Variants in ASIC5 observed in about 807,000 individuals in gnomAD.
ASIC5 encodes acid sensing ion channel subunit family member 5.
ASIC5 carries 52 observed loss-of-function variants against 51.2 expected under a neutral mutation model. The ratio of observed to expected loss-of-function variants is 1.02; its 90% CI spans 0.81 to 1.28. ASIC5 has a LOEUF of 1.28. ASIC5 is among the 50% of genes most tolerant of loss of function. ASIC5 has a pLI of 0.00. For missense variants in ASIC5, 635 were observed against 595.0 expected, an observed-to-expected ratio of 1.07 and a Z score of -0.70; for synonymous variants, 231 against 200.7, an observed-to-expected ratio of 1.15 and a Z score of -1.28.
chr4:155,861,414 A>G (rs1312132537), intron 2 of ASIC5, among the ~76,000 whole-genome samples: 2 of 152,056 alleles, frequency 1.3e-5, no homozygotes, highest in Admixed American at 1.3e-4. Flanking sequence ...TTGATCATTT[A>G]TTCAACATAA....
intron 2 of ASIC5, among the ~76,000 whole-genome samples, chr4:155,859,508 T>A (rs543487249): frequency 6.6e-6 from 1 of 152,024 alleles, no homozygotes; most frequent in Non-Finnish European, 1.5e-5. Context: ...AGTTTCTTCA[T>A]CTCAGGTGTC....
rs774026024 is a variant in ASIC5 at position 155,830,849 on chromosome 4, T to C, written c.1328-803A>G. On this transcript the variant is annotated intron_variant, in intron 9 of 9. Transcript: ENST00000537611. ...TGCTTTCATAAACAGATTACATTAT[T>C]AATCATTATCTCATTGCCCTAGGCC... Among the ~76,000 whole-genome samples the C allele has an allele frequency of 1.2e-4, 19 of 152,284 alleles. No individual in the cohort carries two copies. The Middle Eastern group carries it at 0.01, about 82-fold the overall frequency.
chr4:155,841,797 T>C (rs6810597), intron 6 of ASIC5, among the ~76,000 whole-genome samples: 1,933 of 152,250 alleles, frequency 0.013, 34 homozygotes, highest in African/African-American at 0.041. Flanking sequence ...AATTTTCTCT[T>C]CCAGAAATCT....
Position 155,863,492 on chromosome 4 carries a change from C to T in ASIC5, c.303G>A (p.Val101=). Residue 101 remains valine (V), a synonymous_variant, in exon 2 of 10, where the codon GTG becomes GTA. Transcript: ENST00000537611. The part of the protein sequence containing the change: ...PTTTSIEVQY[V]EKMEFPAVTF... ...TCACAGCTGGGAACTCCATCTTTTC[C>T]ACATATTGAACCTCAATGGACGTTG... 8.7e-6 allele frequency: 14 copies of T among 1,613,392 alleles called. No individual in the cohort carries two copies. Among genetic ancestry groups the T allele is most frequent in the Non-Finnish European group, 1.2e-5 (14 of 1,179,670 alleles).
At chr4:155,862,725 G>A (rs543944376) in intron 2 of ASIC5, among the ~76,000 whole-genome samples, 62 of 152,204 alleles carry the variant, frequency 4.1e-4, no homozygotes, top group Admixed American at 1.9e-3. Flanking sequence ...CTTTGCAGCC[G>A]CACTGATCAC....
chr4:155,847,585 G>A (rs1356862535), intron 4 of ASIC5, among the ~76,000 whole-genome samples: 1 of 151,976 alleles, frequency 6.6e-6, no homozygotes, highest in Non-Finnish European at 1.5e-5. Context: ...AGCTGGGCAT[G>A]GTGGCGCATG....
At chr4:155,836,908 T>A in intron 7 of ASIC5, 51 bp from the exon 8 acceptor site, 1 of 1,341,580 alleles carries the variant, frequency 7.5e-7, no homozygotes, top group Non-Finnish European at 1.0e-6. Context: ...TATTTCATCA[T>A]GGGTAGGATA....
chr4:155,865,837 C>A (rs1310186411), intron 1 of ASIC5, among the ~76,000 whole-genome samples: 3 of 152,024 alleles, frequency 2.0e-5, no homozygotes, highest in Non-Finnish European at 2.9e-5. Flanking sequence ...GCATTGAGTG[C>A]TGATCAACAT....
intron 2 of ASIC5, among the ~76,000 whole-genome samples, chr4:155,860,291 A>T (rs1741667887): frequency 6.6e-6 from 1 of 151,908 alleles, no homozygotes. Context: ...TTGATATAAA[A>T]TACAATATTT....
At position 155,831,833 on chromosome 4, in the gene ASIC5, C is replaced by T. The variant is rs1437106212; in HGVS notation, c.1318G>A (p.Glu440Lys). The T allele has an allele frequency of 6.3e-7, 1 of 1,592,160 alleles. No individual in the cohort carries two copies. Among genetic ancestry groups the T allele is most frequent in the African/African-American group, 1.3e-5 (1 of 74,442 alleles). Reference sequence around the variant, plus strand: ...ATTAAATAACACTTACCAAGTAACTCAGACACACTCACCGCCTTTTGCTGC... The same window carrying T: ...ATTAAATAACACTTACCAAGTAACTTAGACACACTCACCGCCTTTTGCTGC... ...TQQQKAVSVS[E>K]LLADLGGQLG... Residue 440 changes from glutamate (E) to lysine (K), a missense_variant, in exon 9 of 10, where the codon GAG becomes AAG. By Grantham distance (56) the Glu-to-Lys change is moderately conservative. Coordinates refer to ENST00000537611, the MANE Select transcript of ASIC5 (RefSeq NM_017419.3).
At chr4:155,864,325 TAAGTA>T (rs1423705052) in intron 1 of ASIC5, among the ~76,000 whole-genome samples, 4 of 152,198 alleles carry the variant, frequency 2.6e-5, no homozygotes, top group Non-Finnish European at 5.9e-5. Context: ...TAGTATTAGT[TAAGTA>T]ATCTATTTTC....
intron 1 of ASIC5, chr4:155,864,893 G>A (rs906666905): frequency 2.8e-4 from 42 of 152,046 alleles, no homozygotes; most frequent in African/African-American, 8.9e-4. Context: ...CTTTATATAT[G>A]TTCATAATTA....
intron 1 of ASIC5, among the ~76,000 whole-genome samples, chr4:155,865,897 A>G (rs952098524): frequency 6.6e-6 from 1 of 152,200 alleles, no homozygotes; most frequent in Admixed American, 6.6e-5. Flanking sequence ...TTAAAAAATA[A>G]AACCTGCAGG....
chr4:155,857,627 T>C (rs1741579892), intron 2 of ASIC5, among the ~76,000 whole-genome samples: 1 of 152,120 alleles, frequency 6.6e-6, no homozygotes, highest in Non-Finnish European at 1.5e-5. Flanking sequence ...TGTATATCAA[T>C]GGTTCTAAAT....
intron 6 of ASIC5, among the ~76,000 whole-genome samples, chr4:155,840,203 T>C (rs115811264): frequency 7.6e-4 from 115 of 152,058 alleles, no homozygotes; most frequent in Non-Finnish European, 1.5e-3. Flanking sequence ...AACATTATTC[T>C]GCATGAAACA....
chr4:155,856,285 G>A (rs1450028527), intron 2 of ASIC5, among the ~76,000 whole-genome samples: 1 of 151,912 alleles, frequency 6.6e-6, no homozygotes, highest in Non-Finnish European at 1.5e-5. Context: ...TATCTTTAGG[G>A]GGCCAACACC....
chr4:155,859,886 G>A (rs1242947289), intron 2 of ASIC5, among the ~76,000 whole-genome samples: 1 of 151,974 alleles, frequency 6.6e-6, no homozygotes, highest in Non-Finnish European at 1.5e-5. Context: ...ATTGTATTTT[G>A]CTTCAGGGGA....
intron 4 of ASIC5, 44 bp downstream of exon 4, chr4:155,852,147 C>T (rs781768790): frequency 6.2e-7 from 1 of 1,608,852 alleles, no homozygotes; most frequent in South Asian, 1.1e-5. Context: ...TTTTGAAACC[C>T]CCACACATTC....
intron 4 of ASIC5, among the ~76,000 whole-genome samples, chr4:155,846,879 A>C (rs1579290363): frequency 6.6e-6 from 1 of 152,210 alleles, no homozygotes; most frequent in Non-Finnish European, 1.5e-5. Context: ...GTCCTTTATA[A>C]AAAAACATAA....
Sources: allele counts gnomAD v4.1 joint callset (sites outside exome capture counted in the v4.1 genomes callset), GRCh38; gene constraint gnomAD v4.1.1; transcripts MANE v1.5; gene names NCBI Gene and HGNC (gene_info 2026-07-23, HGNC 2026-07-21).